Variants in DPP7 observed in about 807,000 individuals in gnomAD.
DPP7 encodes the protein dipeptidyl peptidase 7.
Under a neutral mutation model 58.8 loss-of-function variants are expected in DPP7, and 74 were observed. The ratio of observed to expected loss-of-function variants is 1.26; its 90% CI spans 1.04 to 1.53. The LOEUF (loss-of-function observed/expected upper bound fraction) is 1.53. DPP7 is among the 40% of genes most tolerant of loss of function. The pLI is 0.00. For synonymous variants in DPP7, 350 were observed against 303.6 expected (o/e 1.15, Z -1.59); for missense variants, 807 against 692.3 (o/e 1.17, Z -1.86).
At chr9:137,115,526 C>T (rs1831609538), upstream of DPP7, among the ~76,000 whole-genome samples, 1 of 152,128 alleles carries the variant, frequency 6.6e-6, no homozygotes, top group Non-Finnish European at 1.5e-5. Flanking sequence ...CTAGCCAGGC[C>T]CAGAACAGGT....
chr9:137,112,136 G>C lies in DPP7; in HGVS notation c.1026C>G (p.Pro342=). The C allele has an allele frequency of 1.2e-6, 2 of 1,610,862 alleles. No individual in the cohort carries two copies. Among genetic ancestry groups the C allele is most frequent in the Non-Finnish European group, 1.7e-6 (2 of 1,179,660 alleles). Residue 342 remains proline (P), a synonymous_variant, in exon 9 of 13, where the codon CCC becomes CCG. Transcript: ENST00000371579. ...CADPTGCGTG[P]DARAWDYQAC... is the part of the protein sequence containing the mutation. ...CCTGGTAGTCCCAGGCCCTGGCGTC[G>C]GGGCCGGTGCCGCAGCCAGTGGGGT...
upstream of DPP7, chr9:137,114,910 G>A (rs1226683620): frequency 1.1e-5 from 4 of 356,248 alleles, no homozygotes; most frequent in Non-Finnish European, 1.5e-5. Flanking sequence ...CGGGCACGGC[G>A]CGGGGAAGCA....
rs1280158735 is a variant in DPP7 at position 137,111,997 on chromosome 9, G to C, written c.1083C>G (p.Ser361Arg). The change falls in exon 10 of 13, where the codon AGC becomes AGG. Residue 361 changes from serine (S) to arginine (R), a missense_variant. Coordinates refer to ENST00000371579, the MANE Select transcript of DPP7 (RefSeq NM_013379.3). ...ACTEINLTFA[S>R]NNVTDMFPDL... ...CCGGGAACATATCGGTCACATTGTT[G>C]CTGGCGAAGGTCAGGTTGATCTCGG... 1.9e-6 allele frequency: 3 copies of C among 1,613,734 alleles called. No homozygotes were observed. Among genetic ancestry groups the C allele is most frequent in the Non-Finnish European group, 2.5e-6 (3 of 1,179,836 alleles).
Position 137,110,579 on chromosome 9 carries a change from C to T in DPP7, c.*69G>A. The T allele has an allele frequency of 6.4e-7, 1 of 1,560,850 alleles. No homozygotes were observed. The highest frequency in any genetic ancestry group is 8.7e-7 in the Non-Finnish European group (1 of 1,154,746). On this transcript the variant is annotated 3_prime_UTR_variant, in exon 13 of 13. Coordinates refer to ENST00000371579, the MANE Select transcript of DPP7 (RefSeq NM_013379.3). The stretch of plus-strand genomic sequence containing the variant: ...TCCAGGCGTTTATTCAGCCCCTTCC[C>T]TCTGCCGCCAGCTGCTTGAGTGAAG...
rs771654791 is a variant in DPP7 at position 137,114,538 on chromosome 9, A to G, written c.106T>C (p.Phe36Leu). ...APDPGFQERF[F>L]QQRLDHFNFE... ...TTGAAGTGGTCCAGACGCTGCTGGAAGAAGCGCTCCTGGAAGCCGGGGTCC... is the reference window on the plus strand; with the variant it reads ...TTGAAGTGGTCCAGACGCTGCTGGAGGAAGCGCTCCTGGAAGCCGGGGTCC... Residue 36 changes from phenylalanine (F) to leucine (L), a missense_variant, in exon 2 of 13, where the codon TTC becomes CTC. Phe to Leu is a conservative substitution (Grantham distance 22). Transcript: ENST00000371579. The G allele has an allele frequency of 1.8e-5, 29 of 1,572,182 alleles. No homozygotes were observed. The highest frequency in any genetic ancestry group is 5.3e-5 in the Admixed American group (3 of 56,164).
Position 137,111,697 on chromosome 9 carries a change from C to G in DPP7, c.1265G>C (p.Gly422Ala). 6.2e-7 allele frequency: 1 copy of G among 1,613,590 alleles called. No homozygotes were observed. The highest frequency in any genetic ancestry group is 8.5e-7 in the Non-Finnish European group (1 of 1,179,978). ...FSNGNLDPWAGGGIRRNLSAS... is the reference protein window; with the variant it reads ...FSNGNLDPWAAGGIRRNLSAS... ...GCCCAGGCCAGGACTCACCCCGCCC[C>G]CTGCCCAGGGGTCCAGGTTCCCGTT... The change falls in exon 11 of 13, where the codon GGG becomes GCG. Residue 422 changes from glycine (G) to alanine (A), a missense_variant. Physicochemically the swap from Gly to Ala is moderately conservative, Grantham distance 60 (BLOSUM62 0). Transcript: ENST00000371579.
At chr9:137,117,552 C>A (rs1321552423), upstream of DPP7, among the ~76,000 whole-genome samples, 5 of 152,302 alleles carry the variant, frequency 3.3e-5, no homozygotes, top group Non-Finnish European at 4.4e-5. Context: ...CCTCTCCAGA[C>A]CATCTAGGCA....
At chr9:137,115,751 A>G (rs1166539015), upstream of DPP7, among the ~76,000 whole-genome samples, 4 of 152,092 alleles carry the variant, frequency 2.6e-5, no homozygotes, top group African/African-American at 9.7e-5. Context: ...GCATGGTGGC[A>G]GTGACCATCA....
intron 11 of DPP7, 28 bp downstream of exon 11, chr9:137,111,662 G>A (rs766881672): frequency 1.9e-6 from 3 of 1,606,504 alleles, no homozygotes; most frequent in African/African-American, 2.7e-5. Context: ...CAAACTAACG[G>A]GGTCATAGGG....
In DPP7 at chr9:137,114,364, C is replaced by T. The variant is rs759997556; in HGVS notation, c.200G>A (p.Gly67Asp). The T allele has an allele frequency of 1.9e-6, 3 of 1,604,376 alleles. No individual in the cohort carries two copies. Among genetic ancestry groups the T allele is most frequent in the Non-Finnish European group, 2.5e-6 (3 of 1,176,488 alleles). The change falls in exon 3 of 13, where the codon GGC (glycine) becomes GAC (aspartate). Residue 67 changes from glycine to aspartate, a missense_variant. Gly to Asp is a moderately conservative substitution (Grantham distance 94). Around this residue, in one of 3 missense-constraint regions of DPP7, gnomAD observed 168 missense variants for 124.1 expected, o/e 1.35. Transcript: ENST00000371579. ...FLVSDRFWVR[G>D]EGPIFFYTGN... Reference sequence around the variant, plus strand: ...AGTGTAGAAGAAGATGGGCCCCTCGCCCCGGACCCAGAACCTGTCTGTGGG... The same window carrying T: ...AGTGTAGAAGAAGATGGGCCCCTCGTCCCGGACCCAGAACCTGTCTGTGGG...
Position 137,114,641 on chromosome 9 carries a change from A to G in DPP7, c.67+6T>C, listed in dbSNP as rs1279817123. ...GGGGAATGGGCCGGGGGGCGCCGCC[A>G]CTCACCCCCCGCCTGGAGGCCGCGC... On this transcript the variant is annotated splice_donor_region_variant and intron_variant, in intron 1 of 12. Coordinates refer to ENST00000371579, the MANE Select transcript of DPP7 (RefSeq NM_013379.3). 3 of 1,387,600 alleles carry G rather than the reference A, an allele frequency of 2.2e-6. No individual in the cohort carries two copies. Among genetic ancestry groups the G allele is most frequent in the African/African-American group, 3.1e-5 (2 of 65,042 alleles). The allele number at this position is 1,387,600 out of a possible 1,614,324, so 86.0% of individuals were successfully genotyped here. A position where few individuals can be genotyped will look rare whatever the true frequency, so the allele number is the denominator to read the frequency against.
At chr9:137,113,635 C>T in intron 4 of DPP7, 139 bp from the exon 5 acceptor site, 1 of 1,430,346 alleles carries the variant, frequency 7.0e-7, no homozygotes, top group Non-Finnish European at 9.1e-7. Flanking sequence ...GGTGCGGGTG[C>T]AGCTCTCACT....
upstream of DPP7, among the ~76,000 whole-genome samples, chr9:137,115,459 G>A (rs914456031): frequency 1.3e-5 from 2 of 152,172 alleles, no homozygotes; most frequent in Admixed American, 6.5e-5. Flanking sequence ...TGAGGGGGCC[G>A]TAGTGGTGGG....
Position 137,113,180 on chromosome 9 carries a change from AGTGGGAGGCG to A in DPP7, c.703+16_703+25del, listed in dbSNP as rs780980495. On this transcript the variant is annotated intron_variant, in intron 6 of 12. Transcript: ENST00000371579. Reference sequence around the variant, plus strand: ...TAGCTGGCGCTGGGGCGGGTCAGGCAGTGGGAGGCGGTGGGAGGACCTCACCTCCCTGTAG... The same window carrying A: ...TAGCTGGCGCTGGGGCGGGTCAGGCAGTGGGAGGACCTCACCTCCCTGTAG... 23 of 1,613,556 alleles carry A rather than the reference AGTGGGAGGCG, an allele frequency of 1.4e-5. No individual in the cohort carries two copies. In the African/African-American group the frequency reaches 1.9e-4, roughly 13 times the overall value.
At chr9:137,115,028 C>T (rs529289046), upstream of DPP7, 84 of 256,034 alleles carry the variant, frequency 3.3e-4, no homozygotes, top group African/African-American at 1.7e-3. Flanking sequence ...CCCGCCAAGC[C>T]TCCCCAGCAC....
chr9:137,114,850 T>A, upstream of DPP7: 1 of 554,382 alleles, frequency 1.8e-6, no homozygotes, highest in Non-Finnish European at 2.7e-6. Flanking sequence ...GCGCCGGGGC[T>A]GTGCCCCCCA....
chr9:137,111,259 T>A (rs10870179), intron 11 of DPP7, among the ~76,000 whole-genome samples: 20,514 of 96,036 alleles, frequency 0.21, 2,193 homozygotes, highest in African/African-American at 0.29. Context: ...GGGAGCAGGG[T>A]AGGGGCAGGC....
chr9:137,113,254 C>G lies in DPP7; in HGVS notation c.655G>C (p.Gly219Arg). Residue 219 changes from glycine (G) to arginine (R), a missense_variant, in exon 6 of 13, where the codon GGT becomes CGT. By Grantham distance (125) the Gly-to-Arg change is moderately radical. Transcript: ENST00000371579. ...FEGQSPKCTQ[G>R]VREAFRQIKD... ...ATCTGTCGGAACGCTTCCCGCACAC[C>G]CTGGGTGCATTTGGGACTCTGGCCC... 8 of 1,613,796 alleles carry G rather than the reference C, an allele frequency of 5.0e-6. No individual in the cohort carries two copies. The highest frequency in any genetic ancestry group is 6.8e-6 in the Non-Finnish European group (8 of 1,179,972).
In DPP7 at chr9:137,111,708, G is replaced by A; in HGVS notation, c.1254C>T (p.Asp418=). ...GACTCACCCCGCCCCCTGCCCAGGG[G>A]TCCAGGTTCCCGTTGGAGAAGATGA... ...SNIIFSNGNL[D]PWAGGGIRRN... Residue 418 remains aspartate (D), a synonymous_variant, in exon 11 of 13, where the codon GAC becomes GAT. Coordinates refer to ENST00000371579, the MANE Select transcript of DPP7 (RefSeq NM_013379.3). 1 of 1,613,760 alleles carries A rather than the reference G, an allele frequency of 6.2e-7. No homozygotes were observed. Among genetic ancestry groups the A allele is most frequent in the Non-Finnish European group, 8.5e-7 (1 of 1,180,012 alleles).
Sources: allele counts gnomAD v4.1 joint callset (sites outside exome capture counted in the v4.1 genomes callset), GRCh38; gene constraint gnomAD v4.1.1; regional missense constraint gnomAD v4.1.1; transcripts MANE v1.5; gene names NCBI Gene and HGNC (gene_info 2026-07-23, HGNC 2026-07-21).